Variants in PSTPIP1 observed in about 807,000 individuals in gnomAD.
The protein encoded by PSTPIP1 is proline-serine-threonine phosphatase-interacting protein 1.
PSTPIP1 carries 66 observed loss-of-function variants against 69.6 expected under a neutral mutation model. That is an observed-to-expected ratio of 0.95 (90% CI 0.78 to 1.16). PSTPIP1 has a LOEUF of 1.16. Ranked by LOEUF, PSTPIP1 falls within the 50% of genes most tolerant of loss-of-function variation. PSTPIP1 has a pLI of 0.00. For missense variants in PSTPIP1, 603 were observed against 557.4 expected (o/e 1.08, Z -0.82); for synonymous variants, 266 against 222.7 (o/e 1.19, Z -1.73).
chr15:77,014,366 G>A (rs1379823708), intron 1 of PSTPIP1, among the ~76,000 whole-genome samples: 1 of 152,174 alleles, frequency 6.6e-6, no homozygotes, highest in East Asian at 1.9e-4. Flanking sequence ...TCACAGGGAA[G>A]GAAACAGGCT....
rs1555678491 is a variant in PSTPIP1 at position 77,020,879 on chromosome 15, G to GGGT, written c.212+2349_212+2350insGTG. Among the ~76,000 whole-genome samples the GGGT allele has an allele frequency of 2.0e-3, 261 of 128,274 alleles. 3 individuals carry two copies. Among genetic ancestry groups the GGGT allele is most frequent in the African/African-American group, 7.2e-3 (246 of 34,072 alleles). The allele number at this position is 128,274 out of a possible 152,430, so 84.2% of individuals were successfully genotyped here. A position where few individuals can be genotyped will look rare whatever the true frequency, so the allele number is the denominator to read the frequency against. ...ATCTTAGACTCCTGTGGGGGGGGGG[G>GGGT]GTGTGTGTGTTGGCCCTCAGGAAAG... On this transcript the variant is annotated intron_variant, in intron 3 of 14. Transcript: ENST00000558012.
chr15:77,035,745 C>T, intron 13 of PSTPIP1, 57 bp from the exon 14 acceptor site: 1 of 1,501,810 alleles, frequency 6.7e-7, no homozygotes, highest in Non-Finnish European at 8.8e-7. Flanking sequence ...TCTAGTAGGA[C>T]TTCCAGGGGC....
intron 1 of PSTPIP1, among the ~76,000 whole-genome samples, chr15:76,998,939 C>G (rs17380886): frequency 0.4 from 60,520 of 152,124 alleles, 13,579 homozygotes; most frequent in Middle Eastern, 0.56. Flanking sequence ...GAGCATCACA[C>G]CTTGGCAGGA....
chr15:77,009,467 T>G (rs2075888746), intron 1 of PSTPIP1, among the ~76,000 whole-genome samples: 1 of 152,072 alleles, frequency 6.6e-6, no homozygotes, highest in Admixed American at 6.5e-5. Context: ...CCACGTATTC[T>G]CCCCAATTTA....
At position 77,035,969 on chromosome 15, in the gene PSTPIP1, A is replaced by G. The variant is rs1555682564; in HGVS notation, c.1119+34A>G. 4.3e-5 allele frequency: 66 copies of G among 1,550,368 alleles called. No individual in the cohort carries two copies. In the South Asian group the frequency reaches 7.6e-4, roughly 18 times the overall value. On this transcript the variant is annotated intron_variant, in intron 14 of 14. Transcript: ENST00000558012. ...TCTATACCCCAAACCCACCTGTGCCACCTCCCCTGCACCTGAGAGCTCCCT... is the reference window on the plus strand; with the variant it reads ...TCTATACCCCAAACCCACCTGTGCCGCCTCCCCTGCACCTGAGAGCTCCCT...
At chr15:77,002,441 A>C (rs1265768499) in intron 1 of PSTPIP1, among the ~76,000 whole-genome samples, 1 of 152,234 alleles carries the variant, frequency 6.6e-6, no homozygotes, top group Non-Finnish European at 1.5e-5. Flanking sequence ...TGTCATTAAA[A>C]AGAAAATATT....
intron 7 of PSTPIP1, among the ~76,000 whole-genome samples, 197 bp from the exon 8 acceptor site, chr15:77,029,332 C>T (rs1000255528): frequency 1.3e-5 from 2 of 152,232 alleles, no homozygotes; most frequent in East Asian, 1.9e-4. Flanking sequence ...TTCCTGTCTT[C>T]GTTCTCTTTC....
At chr15:77,008,177 G>A (rs1484845457) in intron 1 of PSTPIP1, 2 of 405,340 alleles carry the variant, frequency 4.9e-6, no homozygotes, top group Non-Finnish European at 1.0e-5. Context: ...GCACAGCACA[G>A]GGAAGCACAG....
intron 1 of PSTPIP1, among the ~76,000 whole-genome samples, chr15:77,004,511 G>T (rs954842201): frequency 6.6e-6 from 1 of 152,150 alleles, no homozygotes; most frequent in African/African-American, 2.4e-5. Context: ...GCATGCCTGC[G>T]TGGCTAGAGA....
At chr15:77,007,641 C>T (rs1396173108) in intron 1 of PSTPIP1, among the ~76,000 whole-genome samples, 1 of 151,276 alleles carries the variant, frequency 6.6e-6, no homozygotes, top group Non-Finnish European at 1.5e-5. Context: ...GCTGCCCAAG[C>T]TGGAGTGCAG....
intron 5 of PSTPIP1, 116 bp downstream of exon 5, chr15:77,025,720 G>T: frequency 6.8e-6 from 5 of 736,576 alleles, no homozygotes; most frequent in Admixed American, 2.4e-5. Context: ...AGGGGTGGTG[G>T]TGGGACAGCA....
At chr15:77,032,648 C>T (rs764759485) in intron 11 of PSTPIP1, 88 of 617,892 alleles carry the variant, frequency 1.4e-4, no homozygotes, top group Admixed American at 2.6e-4. Flanking sequence ...ACGGCCCCCA[C>T]TCCCCGCCTG....
intron 1 of PSTPIP1, among the ~76,000 whole-genome samples, chr15:76,996,594 GCTATGGAGCCAGGC>G (rs750976455): frequency 9.2e-5 from 14 of 152,256 alleles, no homozygotes; most frequent in Non-Finnish European, 1.6e-4. Flanking sequence ...GAGGATGAGA[GCTATGGAGCCAGGC>G]CTTCCTTCCC....
At chr15:77,010,818 G>A (rs535869161) in intron 1 of PSTPIP1, among the ~76,000 whole-genome samples, 2 of 152,020 alleles carry the variant, frequency 1.3e-5, no homozygotes, top group Non-Finnish European at 2.9e-5. Flanking sequence ...AGCTAATTTT[G>A]TATTTTTAGT....
chr15:77,017,396 A>AG (rs2076072267), intron 1 of PSTPIP1, among the ~76,000 whole-genome samples: 1 of 152,158 alleles, frequency 6.6e-6, no homozygotes, highest in Admixed American at 6.5e-5. Context: ...CAGGCAGCAG[A>AG]GGGTAGCTGT....
At chr15:77,028,497 C>T (rs1333183852) in intron 6 of PSTPIP1, 57 bp from the exon 7 acceptor site, 8 of 1,429,860 alleles carry the variant, frequency 5.6e-6, no homozygotes, top group South Asian at 2.6e-5. Flanking sequence ...GCCTCACTCC[C>T]GGGGACCACA....
chr15:76,995,931 G>C (rs1002662453), intron 1 of PSTPIP1, among the ~76,000 whole-genome samples: 5 of 152,222 alleles, frequency 3.3e-5, no homozygotes, highest in Non-Finnish European at 5.9e-5. Context: ...GGCAGCAAAG[G>C]AGGGGTCACA....
At chr15:76,998,972 T>C (rs1421496003) in intron 1 of PSTPIP1, among the ~76,000 whole-genome samples, 2 of 151,952 alleles carry the variant, frequency 1.3e-5, no homozygotes, top group African/African-American at 4.8e-5. Flanking sequence ...AGCCTCAGAG[T>C]GGGACCTGTC....
In PSTPIP1 at chr15:77,037,251, C is replaced by G. The variant is rs531567637; in HGVS notation, c.*75C>G. 2 of 1,528,212 alleles carry G rather than the reference C, an allele frequency of 1.3e-6. No individual in the cohort carries two copies. The highest frequency in any genetic ancestry group is 4.9e-5 in the East Asian group (2 of 40,530). The allele number at this position is 1,528,212 out of a possible 1,614,324, so 94.7% of individuals were successfully genotyped here. A position where few individuals can be genotyped will look rare whatever the true frequency, so the allele number is the denominator to read the frequency against. ...TGCCCCCAGCACTGTCCCCACCTTG[C>G]TAGGGCCCAGAACCAAGCGTCCCCC... On this transcript the variant is annotated 3_prime_UTR_variant, in exon 15 of 15. Coordinates refer to ENST00000558012, the MANE Select transcript of PSTPIP1 (RefSeq NM_003978.5).
Sources: allele counts gnomAD v4.1 joint callset (sites outside exome capture counted in the v4.1 genomes callset), GRCh38; gene constraint gnomAD v4.1.1; transcripts MANE v1.5; gene names NCBI Gene and HGNC (gene_info 2026-07-23, HGNC 2026-07-21).